GPR39: variants seen among roughly 807,000 people sequenced by gnomAD.
GPR39 encodes G protein-coupled receptor 39.
GPR39 carries 23 observed loss-of-function variants against 18.4 expected under a neutral mutation model. The ratio of observed to expected loss-of-function variants is 1.25; its 90% CI spans 0.90 to 1.77. GPR39 has a LOEUF of 1.77. GPR39 is among the 40% of genes most tolerant of loss of function. GPR39 has a pLI of 0.00. For missense variants in GPR39, 647 were observed against 602.4 expected (o/e 1.07, Z -0.78); for synonymous variants, 280 against 257.9 (o/e 1.09, Z -0.82).
intron 1 of GPR39, among the ~76,000 whole-genome samples, chr2:132,642,933 T>C (rs1681884363): frequency 6.6e-6 from 1 of 152,218 alleles, no homozygotes; most frequent in Non-Finnish European, 1.5e-5. Flanking sequence ...ATGGTCTTTT[T>C]CCTAGTTCTT....
chr2:132,630,494 T>C (rs1446820652), intron 1 of GPR39, among the ~76,000 whole-genome samples: 1 of 152,200 alleles, frequency 6.6e-6, no homozygotes, highest in Non-Finnish European at 1.5e-5. Context: ...ATAAGCCTGG[T>C]TAGATCCTGT....
intron 1 of GPR39, among the ~76,000 whole-genome samples, chr2:132,547,406 C>T (rs983241309): frequency 5.9e-5 from 9 of 152,044 alleles, no homozygotes; most frequent in South Asian, 2.1e-4. Flanking sequence ...TTTCCAGGCC[C>T]GGCAAAGCTG....
At chr2:132,546,186 A>T (rs998393760) in intron 1 of GPR39, among the ~76,000 whole-genome samples, 3 of 152,130 alleles carry the variant, frequency 2.0e-5, no homozygotes, top group Non-Finnish European at 4.4e-5. Flanking sequence ...AGTGTGCCTC[A>T]GAATCACTCC....
intron 1 of GPR39, among the ~76,000 whole-genome samples, chr2:132,519,061 A>T (rs1319384389): frequency 6.6e-6 from 1 of 152,210 alleles, no homozygotes; most frequent in African/African-American, 2.4e-5. Context: ...CTCAATGATG[A>T]TAAAGAACAT....
At chr2:132,516,141 G>T (rs1174338996) in intron 1 of GPR39, among the ~76,000 whole-genome samples, 1 of 152,098 alleles carries the variant, frequency 6.6e-6, no homozygotes, top group Admixed American at 6.6e-5. Flanking sequence ...CCCACCTCTT[G>T]CTCGCCAGGC....
chr2:132,453,262 G>T (rs1281370591), intron 1 of GPR39, among the ~76,000 whole-genome samples: 1 of 152,142 alleles, frequency 6.6e-6, no homozygotes, highest in Non-Finnish European at 1.5e-5. Context: ...TGTGTCTGTT[G>T]GTGGCATAGA....
intron 1 of GPR39, among the ~76,000 whole-genome samples, chr2:132,531,330 A>C (rs1458965168): frequency 1.3e-5 from 2 of 152,228 alleles, no homozygotes; most frequent in East Asian, 1.9e-4. Flanking sequence ...TGCACCCGAT[A>C]CAGGAGCATC....
chr2:132,559,813 G>A (rs1680216590), intron 1 of GPR39, among the ~76,000 whole-genome samples: 1 of 152,116 alleles, frequency 6.6e-6, no homozygotes, highest in Non-Finnish European at 1.5e-5. Flanking sequence ...TGACATGCAG[G>A]TTCTCATTCA....
chr2:132,572,877 G>A (rs1680465078), intron 1 of GPR39, among the ~76,000 whole-genome samples: 1 of 152,212 alleles, frequency 6.6e-6, no homozygotes, highest in Non-Finnish European at 1.5e-5. Context: ...TTTCAGCCAA[G>A]GAAATGAGAT....
At chr2:132,513,981 T>C (rs1260495992) in intron 1 of GPR39, among the ~76,000 whole-genome samples, 1 of 152,182 alleles carries the variant, frequency 6.6e-6, no homozygotes, top group Admixed American at 6.5e-5. Context: ...CTGGTTTGAG[T>C]AGCTTCTTTT....
chr2:132,633,890 T>C lies in GPR39; in HGVS notation c.857-11211T>C, dbSNP rs747850449. ...ATTGGTGTTGGTATTGTTGGTGGTA[T>C]AGGTGGAGGTGATAATAATGGTGGT... On this transcript the variant is annotated intron_variant, in intron 1 of 1. Transcript: ENST00000329321. Among the ~76,000 whole-genome samples the C allele has an allele frequency of 1.6e-4, 24 of 150,432 alleles. 1 individual carries two copies. Among genetic ancestry groups the C allele is most frequent in the Non-Finnish European group, 3.1e-4 (21 of 67,578 alleles).
chr2:132,464,289 G>A (rs1352422556), intron 1 of GPR39, among the ~76,000 whole-genome samples: 1 of 152,194 alleles, frequency 6.6e-6, no homozygotes, highest in Admixed American at 6.5e-5. Flanking sequence ...GTGTTCAGTT[G>A]TGTGGTAAAA....
intron 1 of GPR39, among the ~76,000 whole-genome samples, chr2:132,540,508 C>T (rs1316279263): frequency 1.3e-5 from 2 of 152,180 alleles, no homozygotes; most frequent in Non-Finnish European, 2.9e-5. Flanking sequence ...CCCCTGTCTG[C>T]CACATGGGCC....
At position 132,562,622 on chromosome 2, in the gene GPR39, A is replaced by G. The variant is rs138899974; in HGVS notation, c.857-82479A>G. Among the ~76,000 whole-genome samples the G allele has an allele frequency of 2.0e-4, 31 of 152,212 alleles. No homozygotes were observed. In the East Asian group the frequency reaches 5.6e-3, roughly 28 times the overall value. On this transcript the variant is annotated intron_variant, in intron 1 of 1. Transcript: ENST00000329321. Reference sequence around the variant, plus strand: ...TGAGACACTCTCAAGACTAGGTTAAATATTCCTTCTTTGGATACCCTAGCA... The same window carrying G: ...TGAGACACTCTCAAGACTAGGTTAAGTATTCCTTCTTTGGATACCCTAGCA...
At chr2:132,428,462 C>A (rs1680167898) in intron 1 of GPR39, among the ~76,000 whole-genome samples, 1 of 152,138 alleles carries the variant, frequency 6.6e-6, no homozygotes, top group African/African-American at 2.4e-5. Context: ...TAAGCTAGTT[C>A]TAGTAAATGT....
intron 1 of GPR39, among the ~76,000 whole-genome samples, chr2:132,491,132 C>A: frequency 6.6e-6 from 1 of 152,114 alleles, no homozygotes; most frequent in East Asian, 1.9e-4. Flanking sequence ...AGCTAGTAAG[C>A]CAGTTTGAAC....
chr2:132,630,144 C>A (rs1177626875), intron 1 of GPR39, among the ~76,000 whole-genome samples: 1 of 152,120 alleles, frequency 6.6e-6, no homozygotes, highest in Non-Finnish European at 1.5e-5. Flanking sequence ...CAGCCTCGAA[C>A]CCCATGGAGC....
intron 1 of GPR39, among the ~76,000 whole-genome samples, chr2:132,532,319 C>A (rs769885190): frequency 6.6e-6 from 1 of 152,152 alleles, no homozygotes; most frequent in African/African-American, 2.4e-5. Context: ...CTGGATAGAC[C>A]AACAACAGGC....
At chr2:132,498,091 A>G (rs1681682513) in intron 1 of GPR39, among the ~76,000 whole-genome samples, 1 of 152,028 alleles carries the variant, frequency 6.6e-6, no homozygotes. Context: ...TTAATTTTTA[A>G]ATTTTATTAT....
Sources: gnomAD v4.1 joint callset for allele counts (sites outside exome capture counted in the v4.1 genomes callset) on GRCh38, gnomAD v4.1.1 for gene constraint, MANE v1.5 for transcripts, NCBI Gene and HGNC (gene_info 2026-07-23, HGNC 2026-07-21) for gene names.